Variants in ZC3H8 observed in about 807,000 individuals in gnomAD.
ZC3H8 encodes the protein zinc finger CCCH-type containing 8, also known as zinc finger CCCH domain-containing protein 8.
Under a neutral mutation model 42.5 loss-of-function variants are expected in ZC3H8, and 27 were observed. The observed-to-expected ratio is 0.64, with a 90% CI of 0.47 to 0.88. The LOEUF is 0.88. ZC3H8 is among the 40% of genes least tolerant of loss of function. ZC3H8 has a pLI of 0.00. For synonymous variants in ZC3H8, 101 were observed against 110.1 expected, an observed-to-expected ratio of 0.92 and a Z score of 0.52; for missense variants, 277 against 336.1, an observed-to-expected ratio of 0.82 and a Z score of 1.37.
rs77131467 is a variant in ZC3H8 at position 112,230,334 on chromosome 2, A to G, written c.*15+569T>C. On this transcript the variant is annotated intron_variant, in intron 8 of 8. Coordinates refer to ENST00000409573, the MANE Select transcript of ZC3H8 (RefSeq NM_032494.3). ...TTATATTAAATTTTATGATGATATG[A>G]TTCTACTCCTTGGCACATACTGTGG... 1.1e-3 allele frequency among the ~76,000 whole-genome samples: 171 copies of G among 152,334 alleles called. 1 individual carries two copies. The East Asian group carries it at 0.019, about 17-fold the overall frequency.
At chr2:112,236,821 A>T in intron 3 of ZC3H8, 126 bp from the exon 4 acceptor site, 1 of 878,928 alleles carries the variant, frequency 1.1e-6, no homozygotes, top group Non-Finnish European at 1.7e-6. Context: ...CTGAGGCAGG[A>T]GGACTGCTCA....
In ZC3H8 at chr2:112,238,331, T is replaced by C. The variant is rs748655908; in HGVS notation, c.354A>G (p.Val118=). The C allele has an allele frequency of 1.5e-5, 24 of 1,613,528 alleles. No homozygotes were observed. The highest frequency in any genetic ancestry group is 2.0e-5 in the Non-Finnish European group (24 of 1,179,860). ...GACTCTTACCCTGTGGGGTATCTTT[T>C]ACTCCTTCTTTCTTTGTAGATTCTT... is the stretch of plus-strand genomic sequence containing the variant. ...QPEESTKKEG[V]KDTPQAAKQK... The change falls in exon 3 of 9, where the codon GTA becomes GTG. Residue 118 remains valine (V), a synonymous_variant. Coordinates refer to ENST00000409573, the MANE Select transcript of ZC3H8 (RefSeq NM_032494.3).
At chr2:112,231,086 C>T (rs1253016870) in intron 7 of ZC3H8, 136 bp from the exon 8 acceptor site, 2 of 521,628 alleles carry the variant, frequency 3.8e-6, no homozygotes, top group Admixed American at 1.1e-4. Context: ...ACTACTACTA[C>T]AGGAACTGAA....
Position 112,250,259 on chromosome 2 carries a change from T to C in ZC3H8, c.88A>G (p.Ile30Val). The change falls in exon 2 of 9, where the codon ATA (isoleucine) becomes GTA (valine). Residue 30 changes from isoleucine (I) to valine (V), a missense_variant. By Grantham distance (29) the Ile-to-Val change is conservative. Transcript: ENST00000409573. ...TGTGTTTCTTCAACTTCTGTATCTA[T>C]TTCATCATCGATTCTGTAGCAAAAA... is the stretch of plus-strand genomic sequence containing the variant. ...TDSDERIDDE[I>V]DTEVEETQEE... is the part of the protein sequence containing the mutation. 1.9e-6 allele frequency: 3 copies of C among 1,555,216 alleles called. 1 individual carries two copies. Among genetic ancestry groups the C allele is most frequent in the Middle Eastern group, 1.7e-4 (1 of 5,980 alleles).
At chr2:112,226,219 G>A (rs945944249) in intron 8 of ZC3H8, among the ~76,000 whole-genome samples, 1 of 148,452 alleles carries the variant, frequency 6.7e-6, no homozygotes, top group African/African-American at 2.5e-5. Flanking sequence ...TACCAAAGCT[G>A]TTTTTTTTTT....
In ZC3H8 at chr2:112,215,017, T is replaced by C. The variant is rs1684271911; in HGVS notation, c.*1467A>G. The C allele has an allele frequency of 6.6e-6, 1 of 152,090 alleles. No homozygotes were observed. The highest frequency in any genetic ancestry group is 1.5e-5 in the Non-Finnish European group (1 of 68,016). The allele number at this position is 152,090 out of a possible 1,614,324, so 9.4% of individuals were successfully genotyped here. ...GTTTACAAGTGAGATGGGTACTGCC[T>C]CAGAAATATAACAATTATTTTTTTC... On this transcript the variant is annotated 3_prime_UTR_variant, in exon 9 of 9. Transcript: ENST00000409573.
intron 2 of ZC3H8, among the ~76,000 whole-genome samples, chr2:112,243,012 G>C (rs1333191185): frequency 6.6e-6 from 1 of 152,180 alleles, no homozygotes; most frequent in African/African-American, 2.4e-5. Flanking sequence ...AAGAACAGCT[G>C]CTCAAAGATA....
chr2:112,233,998 T>C (rs772958932), intron 5 of ZC3H8, 122 bp downstream of exon 5: 15 of 599,530 alleles, frequency 2.5e-5, no homozygotes, highest in Non-Finnish European at 4.0e-5. Context: ...CACTAAAATT[T>C]TCTAACTGAT....
intron 1 of ZC3H8, 41 bp downstream of exon 1, chr2:112,254,867 C>T: frequency 6.2e-7 from 1 of 1,601,674 alleles, no homozygotes; most frequent in South Asian, 1.1e-5. Flanking sequence ...CGGAGTCCCG[C>T]TGAGCCCCTG....
chr2:112,245,259 A>G (rs1444495902), intron 2 of ZC3H8, among the ~76,000 whole-genome samples: 3 of 152,234 alleles, frequency 2.0e-5, no homozygotes, highest in East Asian at 1.9e-4. Context: ...CTTCAATTCT[A>G]TGAAGGTGGA....
intron 2 of ZC3H8, among the ~76,000 whole-genome samples, chr2:112,248,069 T>C (rs1685817257): frequency 6.6e-6 from 1 of 152,246 alleles, no homozygotes; most frequent in South Asian, 2.1e-4. Context: ...CTCACACCTA[T>C]AATCCTAGCA....
At chr2:112,242,788 G>A (rs2104665091) in intron 2 of ZC3H8, among the ~76,000 whole-genome samples, 1 of 152,264 alleles carries the variant, frequency 6.6e-6, no homozygotes, top group South Asian at 2.1e-4. Context: ...GCTCTCTTCT[G>A]ATTAAAATTA....
At chr2:112,224,817 G>A (rs1279316156) in intron 8 of ZC3H8, among the ~76,000 whole-genome samples, 1 of 152,212 alleles carries the variant, frequency 6.6e-6, no homozygotes, top group Non-Finnish European at 1.5e-5. Context: ...AGGTCTGAGA[G>A]AAGGAGAAGA....
At chr2:112,240,559 G>C (rs1023067186) in intron 2 of ZC3H8, 1 of 152,164 alleles carries the variant, frequency 6.6e-6, no homozygotes, top group African/African-American at 2.4e-5. Context: ...AAAACACATA[G>C]GCCTACAGTA....
At chr2:112,224,948 A>G (rs979215179) in intron 8 of ZC3H8, among the ~76,000 whole-genome samples, 6 of 152,190 alleles carry the variant, frequency 3.9e-5, no homozygotes, top group African/African-American at 1.4e-4. Context: ...TATACTCTCC[A>G]TTTATTTAGA....
chr2:112,254,023 T>A, intron 1 of ZC3H8: 1 of 784,146 alleles, frequency 1.3e-6, no homozygotes, highest in East Asian at 1.3e-4. Context: ...TTTTCCCATC[T>A]GTAAAACGAG....
chr2:112,226,595 A>AAAAAAAAAAC (rs1684852168), intron 8 of ZC3H8, among the ~76,000 whole-genome samples: 1 of 150,814 alleles, frequency 6.6e-6, no homozygotes, highest in Non-Finnish European at 1.5e-5. Flanking sequence ...ATCTCAAAAA[A>AAAAAAAAAAC]AAAAAAAAAA....
At position 112,238,521 on chromosome 2, in the gene ZC3H8, T is replaced by G. The variant is rs1269900682; in HGVS notation, c.164A>C (p.His55Pro). The G allele has an allele frequency of 6.3e-7, 1 of 1,597,144 alleles. No homozygotes were observed. The highest frequency in any genetic ancestry group is 1.4e-5 in the African/African-American group (1 of 73,954). Residue 55 changes from histidine (H) to proline (P), a missense_variant, in exon 3 of 9, where the codon CAC (histidine) becomes CCC (proline). His to Pro is a moderately conservative substitution (Grantham distance 77). Transcript: ENST00000409573. Reference sequence around the variant, plus strand: ...CGAACTTTTTGGTGATATTGCAGAGTGTCTAAACTAAGTAAAAATTAAAAC... The same window carrying G: ...CGAACTTTTTGGTGATATTGCAGAGGGTCTAAACTAAGTAAAAATTAAAAC... ...ECEQIPKKFR[H>P]SAISPKSSLH...
chr2:112,221,893 A>G (rs1276712499), intron 8 of ZC3H8, among the ~76,000 whole-genome samples: 2 of 152,140 alleles, frequency 1.3e-5, no homozygotes, highest in African/African-American at 2.4e-5. Flanking sequence ...GTTAATAACC[A>G]TTGCTAGGGA....
Sources: allele counts gnomAD v4.1 joint callset (sites outside exome capture counted in the v4.1 genomes callset), GRCh38; gene constraint gnomAD v4.1.1; transcripts MANE v1.5; gene names NCBI Gene and HGNC (gene_info 2026-07-23, HGNC 2026-07-21).